Variants in UBE2QL1 observed in about 807,000 individuals in gnomAD.
UBE2QL1 encodes ubiquitin conjugating enzyme E2 QL1, also known as ubiquitin-conjugating enzyme E2Q-like protein 1.
UBE2QL1 carries 5 observed loss-of-function variants against 12.6 expected under a neutral mutation model. That is an observed-to-expected ratio of 0.40 (90% CI 0.21 to 0.83). The LOEUF (loss-of-function observed/expected upper bound fraction) is 0.83. UBE2QL1 is among the 40% of genes least tolerant of loss of function. The probability of loss-of-function intolerance (pLI) is 0.37; values close to 1 mark genes in which losing one functional copy is unlikely to be tolerated. For synonymous variants in UBE2QL1, 96 were observed against 94.5 expected, an observed-to-expected ratio of 1.02 and a Z score of -0.10; for missense variants, 99 against 222.6, an observed-to-expected ratio of 0.44 and a Z score of 3.53.
intron 1 of UBE2QL1, among the ~76,000 whole-genome samples, chr5:6,488,546 C>A (rs1459170989): frequency 7.2e-6 from 1 of 138,482 alleles, no homozygotes; most frequent in Non-Finnish European, 1.5e-5. Context: ...CGCCTATAAT[C>A]CTAACACTGA....
chr5:6,461,209 G>A (rs1231491851), intron 1 of UBE2QL1, among the ~76,000 whole-genome samples: 1 of 152,172 alleles, frequency 6.6e-6, no homozygotes, highest in African/African-American at 2.4e-5. Context: ...TTCAACAGTG[G>A]AATACCAATG....
At chr5:6,468,318 C>T (rs1739838934) in intron 1 of UBE2QL1, among the ~76,000 whole-genome samples, 1 of 152,164 alleles carries the variant, frequency 6.6e-6, no homozygotes, top group African/African-American at 2.4e-5. Flanking sequence ...GGTCATCCTC[C>T]CTGGAGCTGG....
intron 1 of UBE2QL1, among the ~76,000 whole-genome samples, chr5:6,463,719 C>G (rs1039062805): frequency 6.6e-6 from 1 of 150,728 alleles, no homozygotes; most frequent in East Asian, 1.9e-4. Flanking sequence ...GCTCCGCCTC[C>G]CGGGTTCACG....
chr5:6,470,547 G>A (rs1739890550), intron 1 of UBE2QL1, among the ~76,000 whole-genome samples: 1 of 152,138 alleles, frequency 6.6e-6, no homozygotes, highest in Non-Finnish European at 1.5e-5. Context: ...CACTTCCACA[G>A]GCATACATGA....
intron 1 of UBE2QL1, among the ~76,000 whole-genome samples, chr5:6,487,621 T>G (rs1346585782): frequency 6.6e-6 from 1 of 152,220 alleles, no homozygotes; most frequent in African/African-American, 2.4e-5. Flanking sequence ...ATTCTTTGAT[T>G]ATTAGTTAAA....
chr5:6,459,125 G>T (rs1378823154), intron 1 of UBE2QL1, among the ~76,000 whole-genome samples: 7 of 152,062 alleles, frequency 4.6e-5, no homozygotes, highest in Non-Finnish European at 8.8e-5. Context: ...TGGTGGCTGT[G>T]ACCCCACCCC....
At chr5:6,475,204 CTAAAAG>C (rs1734206293) in intron 1 of UBE2QL1, among the ~76,000 whole-genome samples, 1 of 152,142 alleles carries the variant, frequency 6.6e-6, no homozygotes, top group Non-Finnish European at 1.5e-5. Context: ...AAGTAATGAC[CTAAAAG>C]TAATAATAGC....
intron 1 of UBE2QL1, among the ~76,000 whole-genome samples, chr5:6,475,357 A>G (rs949915351): frequency 1.3e-5 from 2 of 152,214 alleles, no homozygotes; most frequent in South Asian, 2.1e-4. Flanking sequence ...TTACATTCTT[A>G]AGACTCTTTT....
Position 6,451,468 on chromosome 5 carries a change from A to G in UBE2QL1, c.354+2221A>G, listed in dbSNP as rs567704200. The stretch of plus-strand genomic sequence containing the variant: ...CAGTTTGCAAGTGAGAGATTTCTTT[A>G]TTGAAAGTAATTATCAACTTTTTCA... On this transcript the variant is annotated intron_variant, in intron 1 of 1. Coordinates refer to ENST00000399816, the MANE Select transcript of UBE2QL1 (RefSeq NM_001145161.3). 1.1e-3 allele frequency among the ~76,000 whole-genome samples: 162 copies of G among 152,312 alleles called. 1 individual carries two copies. Among genetic ancestry groups the G allele is most frequent in the Admixed American group, 2.6e-3 (40 of 15,298 alleles).
At chr5:6,460,110 G>T (rs1460877638) in intron 1 of UBE2QL1, among the ~76,000 whole-genome samples, 1 of 152,128 alleles carries the variant, frequency 6.6e-6, no homozygotes, top group African/African-American at 2.4e-5. Context: ...GTGGGGCTGG[G>T]ATAAAGCTGG....
intron 1 of UBE2QL1, among the ~76,000 whole-genome samples, chr5:6,449,868 A>AACCCCC (rs1739376273): frequency 3.4e-5 from 4 of 117,120 alleles, no homozygotes; most frequent in East Asian, 5.2e-4. Flanking sequence ...CACCTCCCCA[A>AACCCCC]CCCCCCCCAC....
At chr5:6,460,036 A>G (rs1739618027) in intron 1 of UBE2QL1, among the ~76,000 whole-genome samples, 2 of 152,192 alleles carry the variant, frequency 1.3e-5, no homozygotes, top group African/African-American at 2.4e-5. Context: ...GCTCAGGGCC[A>G]GAGCAACTGG....
rs187699616 is a variant in UBE2QL1, at chr5:6,491,536, G to A, written c.*187G>A. On this transcript the variant is annotated 3_prime_UTR_variant, in exon 2 of 2. Transcript: ENST00000399816. ...CAGAGAGGAAGAGGGAGCAAATGCC[G>A]TTCGGATTATGTTTCGATTATAAAT... 2.4e-4 allele frequency: 159 copies of A among 668,252 alleles called. No individual in the cohort carries two copies. The African/African-American group carries it at 2.6e-3, about 11-fold the overall frequency. 41.4% of individuals were successfully genotyped at this position (668,252 alleles called of 1,614,324 possible). A position where few individuals can be genotyped will look rare whatever the true frequency, so the allele number is the denominator to read the frequency against.
intron 1 of UBE2QL1, among the ~76,000 whole-genome samples, chr5:6,488,956 C>G (rs1734516140): frequency 6.6e-6 from 1 of 152,160 alleles, no homozygotes; most frequent in South Asian, 2.1e-4. Context: ...CTCTTTTTAT[C>G]AAGCATAATT....
At chr5:6,475,573 C>G (rs896580037) in intron 1 of UBE2QL1, among the ~76,000 whole-genome samples, 2 of 152,082 alleles carry the variant, frequency 1.3e-5, no homozygotes, top group Non-Finnish European at 2.9e-5. Flanking sequence ...TCGGTCCATT[C>G]CTTTTATCCA....
intron 1 of UBE2QL1, among the ~76,000 whole-genome samples, chr5:6,469,222 A>G (rs1203817939): frequency 2.0e-5 from 3 of 152,144 alleles, no homozygotes; most frequent in African/African-American, 7.2e-5. Flanking sequence ...GTCCAGATGC[A>G]CAGCTGGGCA....
chr5:6,485,083 CACAA>C (rs764750467), intron 1 of UBE2QL1, among the ~76,000 whole-genome samples: 5 of 152,184 alleles, frequency 3.3e-5, no homozygotes, highest in African/African-American at 9.6e-5. Context: ...TATAAGTACC[CACAA>C]ACACACAAAT....
At chr5:6,449,292 G>A in intron 1 of UBE2QL1, 45 bp downstream of exon 1, 1 of 1,315,092 alleles carries the variant, frequency 7.6e-7, no homozygotes, top group Non-Finnish European at 9.6e-7. Context: ...CCGAGATCGG[G>A]TCTGCAGCGC....
chr5:6,453,539 T>C (rs1292972815), intron 1 of UBE2QL1, among the ~76,000 whole-genome samples: 1 of 152,104 alleles, frequency 6.6e-6, no homozygotes, highest in Non-Finnish European at 1.5e-5. Flanking sequence ...TGCCTGACAG[T>C]TTCTGGATGT....
Sources: allele counts gnomAD v4.1 joint callset (sites outside exome capture counted in the v4.1 genomes callset), GRCh38; gene constraint gnomAD v4.1.1; transcripts MANE v1.5; gene names NCBI Gene and HGNC (gene_info 2026-07-23, HGNC 2026-07-21).